The following TTLL11 variants were observed in gnomAD, a reference collection of about 807,000 sequenced individuals.
The protein encoded by TTLL11 is tubulin polyglutamylase TTLL11.
A neutral mutation model predicts 51.7 loss-of-function variants in TTLL11; 42 were observed. The ratio of observed to expected loss-of-function variants is 0.81; its 90% confidence interval spans 0.64 to 1.05. The LOEUF (loss-of-function observed/expected upper bound fraction) is 1.05, where lower values mean the gene tolerates loss of function less well. Among genes scored for constraint, TTLL11 ranks in the 50% least tolerant of loss-of-function variants. The pLI is 0.00. For missense variants in TTLL11, 799 were observed against 940.4 expected (o/e 0.85, Z 1.97); for synonymous variants, 381 against 383.5 (o/e 0.99, Z 0.08).
intron 1 of TTLL11, among the ~76,000 whole-genome samples, chr9:122,069,596 C>T (rs576159232): frequency 2.3e-4 from 35 of 152,246 alleles, no homozygotes; most frequent in African/African-American, 7.7e-4. Context: ...GCGGGAGAAT[C>T]GCTTGAACCC....
At position 121,980,178 on chromosome 9, in the gene TTLL11, G is replaced by C. The variant is rs373760821; in HGVS notation, c.1270-5199C>G. 1.0e-3 allele frequency among the ~76,000 whole-genome samples: 154 copies of C among 150,664 alleles called. 1 individual carries two copies. The highest frequency in any genetic ancestry group is 3.6e-3 in the African/African-American group (147 of 40,286). On this transcript the variant is annotated intron_variant, in intron 4 of 8. Transcript: ENST00000321582. ...GGTGATCTACCTAGGAGGGCCAGGG[G>C]GGCCTTTCTTTTTTCATTTTTTTTC...
chr9:121,972,544 A>G (rs1315533955), intron 6 of TTLL11, among the ~76,000 whole-genome samples: 1 of 152,236 alleles, frequency 6.6e-6, no homozygotes, highest in Non-Finnish European at 1.5e-5. Context: ...CTTGCCAACA[A>G]TGGCAATCTG....
chr9:122,008,263 A>G (rs570157063), intron 3 of TTLL11, among the ~76,000 whole-genome samples: 2 of 152,352 alleles, frequency 1.3e-5, no homozygotes, highest in Non-Finnish European at 2.9e-5. Flanking sequence ...TCAAAATCTG[A>G]ATGGGAAACA....
chr9:121,877,102 G>A (rs978402393), intron 6 of TTLL11, among the ~76,000 whole-genome samples: 1 of 152,202 alleles, frequency 6.6e-6, no homozygotes, highest in South Asian at 2.1e-4. Context: ...TGTGGCAGTG[G>A]TGCCGCATGG....
chr9:121,957,571 G>A (rs777619083), intron 6 of TTLL11, among the ~76,000 whole-genome samples: 2 of 152,194 alleles, frequency 1.3e-5, no homozygotes, highest in Non-Finnish European at 2.9e-5. Context: ...CCCTGCGTTT[G>A]AGAGGGTCCT....
intron 6 of TTLL11, among the ~76,000 whole-genome samples, chr9:121,892,472 C>G (rs1386461257): frequency 1.3e-5 from 2 of 152,218 alleles, no homozygotes; most frequent in East Asian, 3.9e-4. Flanking sequence ...ATAAAACCAT[C>G]AGATTTCGTG....
chr9:121,883,356 G>A (rs991189347), intron 6 of TTLL11, among the ~76,000 whole-genome samples: 7 of 152,278 alleles, frequency 4.6e-5, no homozygotes, highest in South Asian at 4.2e-4. Context: ...TTGGAACATC[G>A]TAAGTACCAA....
chr9:122,012,956 C>A (rs1162899058), intron 3 of TTLL11, among the ~76,000 whole-genome samples: 1 of 152,212 alleles, frequency 6.6e-6, no homozygotes. Flanking sequence ...TCATTTCACA[C>A]ATACACCTGA....
chr9:121,896,638 G>A (rs868490215), intron 6 of TTLL11, among the ~76,000 whole-genome samples: 1 of 152,210 alleles, frequency 6.6e-6, no homozygotes, highest in South Asian at 2.1e-4. Context: ...GCGTGCAGGA[G>A]GCCATCTGCA....
chr9:122,038,870 G>A (rs984912276), intron 2 of TTLL11, among the ~76,000 whole-genome samples: 3 of 152,090 alleles, frequency 2.0e-5, no homozygotes, highest in Non-Finnish European at 4.4e-5. Context: ...TTTTAAAAAT[G>A]GTACCTCCAA....
At chr9:122,058,417 G>A (rs961365392) in intron 1 of TTLL11, among the ~76,000 whole-genome samples, 1 of 152,374 alleles carries the variant, frequency 6.6e-6, no homozygotes, top group Non-Finnish European at 1.5e-5. Context: ...GTCATGTTCA[G>A]ATTTGGTCCT....
In TTLL11 at chr9:122,039,257, A is replaced by G. The variant is rs769156432; in HGVS notation, c.559+15T>C. On this transcript the variant is annotated intron_variant, in intron 2 of 8. Transcript: ENST00000321582. ...CCTAGAAACATGTTTAAATGTCAAC[A>G]ATAACAGCAGATACCTGGAAACTTG... The G allele has an allele frequency of 2.2e-5, 36 of 1,608,888 alleles. 1 individual carries two copies. In the South Asian group the frequency reaches 4.0e-4, roughly 18 times the overall value.
At chr9:121,835,618 C>T (rs1440841668) in intron 8 of TTLL11, among the ~76,000 whole-genome samples, 1 of 152,170 alleles carries the variant, frequency 6.6e-6, no homozygotes, top group African/African-American at 2.4e-5. Flanking sequence ...AAAATCATTA[C>T]CCCCAGAAGC....
chr9:121,946,919 C>T (rs949592382), intron 6 of TTLL11, among the ~76,000 whole-genome samples: 2 of 152,104 alleles, frequency 1.3e-5, no homozygotes, highest in African/African-American at 2.4e-5. Context: ...ATTAGATCAC[C>T]TGCTTGGCCC....
chr9:121,925,820 C>G (rs962010023), intron 6 of TTLL11, among the ~76,000 whole-genome samples: 5 of 152,138 alleles, frequency 3.3e-5, no homozygotes, highest in Non-Finnish European at 7.3e-5. Flanking sequence ...GCCCTGCTCC[C>G]CTCCTCCACC....
At chr9:121,986,077 C>G (rs1842933864) in intron 4 of TTLL11, among the ~76,000 whole-genome samples, 1 of 152,206 alleles carries the variant, frequency 6.6e-6, no homozygotes. Flanking sequence ...CCCCATGCTC[C>G]TCCTCTGGCC....
At chr9:121,887,362 C>T (rs2131432207) in intron 6 of TTLL11, among the ~76,000 whole-genome samples, 1 of 152,208 alleles carries the variant, frequency 6.6e-6, no homozygotes, top group African/African-American at 2.4e-5. Flanking sequence ...GAAATTGGTC[C>T]CTCTAAAGGT....
rs529947029 is a variant in TTLL11 at position 121,896,151 on chromosome 9, TCTAA to T, written c.1482-25407_1482-25404del. On this transcript the variant is annotated intron_variant, in intron 6 of 8. Transcript: ENST00000321582. ...TCCGCCATCTACAGGTTCTGTTATC[TCTAA>T]CTGAGTAAGCAGGAGCCGTTAAATT... Among the ~76,000 whole-genome samples the T allele has an allele frequency of 2.9e-3, 449 of 152,244 alleles. 2 individuals are homozygous for T. Among genetic ancestry groups the T allele is most frequent in the African/African-American group, 8.2e-3 (342 of 41,522 alleles).
chr9:122,028,803 C>T (rs1330885280), intron 3 of TTLL11, among the ~76,000 whole-genome samples: 1 of 152,072 alleles, frequency 6.6e-6, no homozygotes, highest in Non-Finnish European at 1.5e-5. Flanking sequence ...TTTAAAGAGA[C>T]TGAGATAATA....
Sources: gnomAD v4.1 joint callset for allele counts (sites outside exome capture counted in the v4.1 genomes callset) on GRCh38, gnomAD v4.1.1 for gene constraint, MANE v1.5 for transcripts, NCBI Gene and HGNC (gene_info 2026-07-23, HGNC 2026-07-21) for gene names.